Variants in ARHGAP10 observed in about 807,000 individuals in gnomAD.
ARHGAP10 encodes the protein rho GTPase-activating protein 10.
A neutral mutation model predicts 108.6 loss-of-function variants in ARHGAP10; 87 were observed. The ratio of observed to expected loss-of-function variants is 0.80; its 90% CI spans 0.67 to 0.96. The LOEUF is 0.96. Among genes scored for constraint, ARHGAP10 ranks in the 40% least tolerant of loss-of-function variants. The pLI, the probability that ARHGAP10 is intolerant of heterozygous loss-of-function variation, is 0.00. For synonymous variants in ARHGAP10, 347 were observed against 341.1 expected (o/e 1.02, Z -0.19); for missense variants, 939 against 954.5 (o/e 0.98, Z 0.21).
At chr4:147,920,286 G>T (rs1329927093) in intron 13 of ARHGAP10, among the ~76,000 whole-genome samples, 2 of 151,718 alleles carry the variant, frequency 1.3e-5, no homozygotes, top group African/African-American at 2.4e-5. Flanking sequence ...GCATGGTGGC[G>T]GGTGCCTGTA....
chr4:147,897,317 G>C (rs1239844392), intron 10 of ARHGAP10, among the ~76,000 whole-genome samples: 6 of 151,570 alleles, frequency 4.0e-5, no homozygotes, highest in African/African-American at 1.5e-4. Flanking sequence ...TGCCCAGGCT[G>C]GTCTTGAACT....
chr4:147,864,113 G>A (rs1000036819), intron 5 of ARHGAP10: 4 of 152,242 alleles, frequency 2.6e-5, no homozygotes, highest in Non-Finnish European at 5.9e-5. Context: ...ATGATACCTA[G>A]TAAGAATGGT....
At chr4:148,036,019 C>T (rs1015114476) in intron 19 of ARHGAP10, among the ~76,000 whole-genome samples, 7 of 150,122 alleles carry the variant, frequency 4.7e-5, no homozygotes, top group Non-Finnish European at 8.9e-5. Flanking sequence ...CTTAGTATTC[C>T]GTAACCTATC....
chr4:148,068,168 G>A (rs112624537), intron 22 of ARHGAP10, among the ~76,000 whole-genome samples: 1 of 152,192 alleles, frequency 6.6e-6, no homozygotes, highest in Non-Finnish European at 1.5e-5. Flanking sequence ...TAGATGGGCA[G>A]TGGTTGCCTC....
At chr4:147,770,997 CT>C (rs1452224459) in intron 1 of ARHGAP10, among the ~76,000 whole-genome samples, 4 of 152,126 alleles carry the variant, frequency 2.6e-5, no homozygotes, top group Non-Finnish European at 5.9e-5. Context: ...ATCTTCTTTT[CT>C]TTTAAGGAGA....
chr4:147,890,638 C>G lies in ARHGAP10; in HGVS notation c.1034+8706C>G, dbSNP rs1377006764. The stretch of plus-strand genomic sequence containing the variant: ...GGTCAGGAGTTCGAAACTAGCCTGG[C>G]CAACCTGGTGAAACCCCATCTCTAC... On this transcript the variant is annotated intron_variant, in intron 10 of 22. Coordinates refer to ENST00000336498, the MANE Select transcript of ARHGAP10 (RefSeq NM_024605.4). 9.9e-5 allele frequency among the ~76,000 whole-genome samples: 15 copies of G among 152,150 alleles called. No individual in the cohort carries two copies. In the East Asian group the frequency reaches 2.7e-3, roughly 27 times the overall value.
intron 18 of ARHGAP10, among the ~76,000 whole-genome samples, chr4:148,005,719 A>C (rs1333419571): frequency 6.6e-6 from 1 of 152,126 alleles, no homozygotes; most frequent in Non-Finnish European, 1.5e-5. Flanking sequence ...TGTACACCTT[A>C]AATTCTTATG....
At chr4:147,769,953 T>G (rs938322676) in intron 1 of ARHGAP10, among the ~76,000 whole-genome samples, 1 of 152,156 alleles carries the variant, frequency 6.6e-6, no homozygotes, top group African/African-American at 2.4e-5. Context: ...TGTGGAGTGT[T>G]GAAAGATCAT....
intron 3 of ARHGAP10, among the ~76,000 whole-genome samples, chr4:147,842,650 C>G (rs549223545): frequency 6.6e-6 from 1 of 152,124 alleles, no homozygotes; most frequent in Non-Finnish European, 1.5e-5. Context: ...TGGAGAACAC[C>G]GTCCCTCTGT....
At chr4:147,867,583 G>A (rs1479273755) in intron 7 of ARHGAP10, among the ~76,000 whole-genome samples, 3 of 152,086 alleles carry the variant, frequency 2.0e-5, no homozygotes, top group African/African-American at 7.2e-5. Context: ...AGTTGAGAGT[G>A]GGCCGGGCAC....
At chr4:147,836,216 T>G (rs1428013407) in intron 3 of ARHGAP10, among the ~76,000 whole-genome samples, 1 of 152,218 alleles carries the variant, frequency 6.6e-6, no homozygotes, top group Non-Finnish European at 1.5e-5. Context: ...TCGTAGACTT[T>G]GGTGATACAT....
intron 10 of ARHGAP10, among the ~76,000 whole-genome samples, chr4:147,887,183 AG>A (rs1735603843): frequency 6.6e-6 from 1 of 152,098 alleles, no homozygotes; most frequent in Admixed American, 6.6e-5. Context: ...TGAAAATAGA[AG>A]CTGTAACAAG....
At position 148,044,711 on chromosome 4, in the gene ARHGAP10, G is replaced by A. The variant is rs539597552; in HGVS notation, c.1868-2181G>A. Among the ~76,000 whole-genome samples, 17 of 152,262 alleles carry A rather than the reference G, an allele frequency of 1.1e-4. No homozygotes were observed. The South Asian group carries it at 2.9e-3, about 26-fold the overall frequency. ...GGAAAGCTGGAGGCCAGCCCCTCGC[G>A]TCACTTGGGCTCTTTCACAGAAAAG... On this transcript the variant is annotated intron_variant, in intron 19 of 22. Transcript: ENST00000336498.
rs150641943 is a variant in ARHGAP10 at position 147,940,421 on chromosome 4, C to T, written c.1303+522C>T. 2.1e-3 allele frequency among the ~76,000 whole-genome samples: 315 copies of T among 152,308 alleles called. 1 individual carries two copies. The highest frequency in any genetic ancestry group is 3.5e-3 in the Non-Finnish European group (241 of 68,022). On this transcript the variant is annotated intron_variant, in intron 14 of 22. Coordinates refer to ENST00000336498, the MANE Select transcript of ARHGAP10 (RefSeq NM_024605.4). ...GATAACACAGTGTTCTTTGGCATCG[C>T]AGACTAGAGGAAGCCAGAAAGTGAA...
At chr4:147,913,976 A>C (rs2126922579) in intron 13 of ARHGAP10, among the ~76,000 whole-genome samples, 1 of 152,238 alleles carries the variant, frequency 6.6e-6, no homozygotes, top group African/African-American at 2.4e-5. Context: ...AACATGGTGA[A>C]ACCCCATCTC....
chr4:147,759,590 C>CG (rs984928201), intron 1 of ARHGAP10, among the ~76,000 whole-genome samples: 6 of 151,600 alleles, frequency 4.0e-5, no homozygotes, highest in African/African-American at 1.2e-4. Context: ...GCCCCCCCCC[C>CG]CCTTTAAAAA....
chr4:147,992,459 G>A (rs1432596896), intron 18 of ARHGAP10, among the ~76,000 whole-genome samples: 2 of 152,108 alleles, frequency 1.3e-5, no homozygotes, highest in Non-Finnish European at 2.9e-5. Context: ...CCAGCGTGGA[G>A]TGCAATGGCG....
intron 3 of ARHGAP10, among the ~76,000 whole-genome samples, chr4:147,829,105 G>A (rs1487140456): frequency 6.6e-6 from 1 of 150,414 alleles, no homozygotes; most frequent in Non-Finnish European, 1.5e-5. Context: ...AGGCTGGAGT[G>A]CAGTGGTGTG....
Position 147,840,907 on chromosome 4 carries a change from G to A in ARHGAP10, c.313-6244G>A, listed in dbSNP as rs114444763. ...TATTTTTTAAAAATACAAGATAAGC[G>A]TAAGAGCATTGTTTTGCCATGATAC... is the stretch of plus-strand genomic sequence containing the variant. On this transcript the variant is annotated intron_variant, in intron 3 of 22. Transcript: ENST00000336498. 6.5e-3 allele frequency among the ~76,000 whole-genome samples: 990 copies of A among 152,292 alleles called. 12 individuals are homozygous for A. The highest frequency in any genetic ancestry group is 0.022 in the African/African-American group (932 of 41,544).
Sources: gnomAD v4.1 joint callset for allele counts (sites outside exome capture counted in the v4.1 genomes callset) on GRCh38, gnomAD v4.1.1 for gene constraint, MANE v1.5 for transcripts, NCBI Gene and HGNC (gene_info 2026-07-23, HGNC 2026-07-21) for gene names.